The following ROBO2 variants were observed in gnomAD, a reference collection of about 807,000 sequenced individuals.
The protein encoded by ROBO2 is roundabout homolog 2.
A neutral mutation model predicts 160.8 loss-of-function variants in ROBO2; 53 were observed. That is an observed-to-expected ratio of 0.33 (90% confidence interval 0.26 to 0.41). ROBO2 has a LOEUF of 0.41. Among genes scored for constraint, ROBO2 ranks in the 10% least tolerant of loss-of-function variants. ROBO2 has a pLI of 1.00. For missense variants in ROBO2, 1,577 were observed against 1,722.4 expected, an observed-to-expected ratio of 0.92 and a Z score of 1.49; for synonymous variants, 664 against 611.7, an observed-to-expected ratio of 1.09 and a Z score of -1.26.
In ROBO2 at chr3:77,538,210, T is replaced by G. The variant is rs533457693; in HGVS notation, c.935-8128T>G. Among the ~76,000 whole-genome samples the G allele has an allele frequency of 4.3e-3, 591 of 138,232 alleles. 6 individuals carry two copies. Among genetic ancestry groups the G allele is most frequent in the African/African-American group, 0.015 (554 of 36,588 alleles). 90.7% of individuals were successfully genotyped at this position (138,232 alleles called of 152,430 possible). On this transcript the variant is annotated intron_variant, in intron 6 of 25. Coordinates refer to ENST00000461745, the Ensembl canonical transcript of ROBO2. ...TTTTTTTTTTTTGAGACGGAGTCTCTGTCTGTCACCCAGGCTGGAGTGCAG... is the reference window on the plus strand; with the variant it reads ...TTTTTTTTTTTTGAGACGGAGTCTCGGTCTGTCACCCAGGCTGGAGTGCAG...
At chr3:77,445,147 TAAGA>T (rs2153557381) in intron 2 of ROBO2, among the ~76,000 whole-genome samples, 1 of 152,282 alleles carries the variant, frequency 6.6e-6, no homozygotes, top group African/African-American at 2.4e-5. Context: ...TTCAGTGTCT[TAAGA>T]AGATGAAGAC....
chr3:76,743,689 T>C (rs1477115396), intron 2 of ROBO2, among the ~76,000 whole-genome samples: 1 of 152,094 alleles, frequency 6.6e-6, no homozygotes, highest in Non-Finnish European at 1.5e-5. Flanking sequence ...CTTTCATTTC[T>C]AAGACTTTCA....
intron 2 of ROBO2, among the ~76,000 whole-genome samples, chr3:77,271,499 G>A (rs1580537387): frequency 6.6e-6 from 1 of 152,190 alleles, no homozygotes; most frequent in East Asian, 1.9e-4. Context: ...AACAGCTGAA[G>A]GATTAAGGAA....
At chr3:77,099,895 G>A (rs1054092534) in intron 2 of ROBO2, among the ~76,000 whole-genome samples, 1 of 151,968 alleles carries the variant, frequency 6.6e-6, no homozygotes, top group African/African-American at 2.4e-5. Flanking sequence ...AGGGAATTGT[G>A]TCATATTTGA....
chr3:76,733,257 C>T (rs774600), intron 2 of ROBO2, among the ~76,000 whole-genome samples: 30,024 of 151,994 alleles, frequency 0.2, 3,023 homozygotes, highest in Non-Finnish European at 0.22. Context: ...ACTGTGTATA[C>T]AAAGAAGGGA....
chr3:77,189,230 T>C (rs2081583764), intron 2 of ROBO2, among the ~76,000 whole-genome samples: 1 of 151,810 alleles, frequency 6.6e-6, no homozygotes, highest in South Asian at 2.1e-4. Context: ...TTTGTTTTGG[T>C]TTGAAATTTT....
At chr3:76,719,303 T>C (rs1342059221) in intron 2 of ROBO2, among the ~76,000 whole-genome samples, 1 of 152,184 alleles carries the variant, frequency 6.6e-6, no homozygotes, top group Non-Finnish European at 1.5e-5. Flanking sequence ...TATGTAGACA[T>C]CATAACAATA....
chr3:77,399,842 G>T (rs2075631963), intron 2 of ROBO2, among the ~76,000 whole-genome samples: 1 of 151,998 alleles, frequency 6.6e-6, no homozygotes, highest in Admixed American at 6.6e-5. Context: ...GAAAACTGAG[G>T]CCCCAGAAAC....
At chr3:77,319,456 C>T (rs554802424) in intron 2 of ROBO2, among the ~76,000 whole-genome samples, 73 of 152,250 alleles carry the variant, frequency 4.8e-4, no homozygotes, top group African/African-American at 1.7e-3. Context: ...CCCAATTGCT[C>T]ATGCTGATTG....
intron 2 of ROBO2, among the ~76,000 whole-genome samples, chr3:77,369,438 T>G (rs62252672): frequency 0.12 from 18,867 of 152,224 alleles, 1,388 homozygotes; most frequent in East Asian, 0.21. Context: ...CAGAAATGAA[T>G]GACAGTCTCT....
chr3:76,161,632 T>C (rs1282612939), intron 2 of ROBO2, among the ~76,000 whole-genome samples: 3 of 152,158 alleles, frequency 2.0e-5, no homozygotes, highest in African/African-American at 7.2e-5. Context: ...TTCTCGGAGA[T>C]CTATTTTATA....
intron 2 of ROBO2, among the ~76,000 whole-genome samples, chr3:76,785,910 T>G (rs2062943462): frequency 6.6e-6 from 1 of 151,348 alleles, no homozygotes; most frequent in Non-Finnish European, 1.5e-5. Flanking sequence ...ACATTTGTTC[T>G]AAGTTTTTAT....
Position 76,799,228 on chromosome 3 carries a change from C to CA in ROBO2, c.110-298782dup, listed in dbSNP as rs1200513260. On this transcript the variant is annotated intron_variant, in intron 2 of 26. Coordinates refer to the ROBO2 transcript ENST00000487694. Reference sequence around the variant, plus strand: ...GACTCCGTCTCAAAAAAAACAAAAACAAAACAAAAAAAAAACGTATATAAC... The same window carrying CA: ...GACTCCGTCTCAAAAAAAACAAAAACAAAAACAAAAAAAAAACGTATATAAC... Among the ~76,000 whole-genome samples, 13 of 128,532 alleles carry CA rather than the reference C, an allele frequency of 1.0e-4. No individual in the cohort carries two copies. The East Asian group carries it at 1.4e-3, about 14-fold the overall frequency. 84.3% of individuals were successfully genotyped at this position (128,532 alleles called of 152,430 possible). A position where few individuals can be genotyped will look rare whatever the true frequency, so the allele number is the denominator to read the frequency against.
At chr3:76,104,203 C>G (rs1440591284) in intron 2 of ROBO2, among the ~76,000 whole-genome samples, 1 of 152,146 alleles carries the variant, frequency 6.6e-6, no homozygotes, top group African/African-American at 2.4e-5. Context: ...ACACTTAAAT[C>G]TTTCATACAG....
chr3:76,845,139 C>T (rs775638920), intron 2 of ROBO2, among the ~76,000 whole-genome samples: 4 of 151,836 alleles, frequency 2.6e-5, no homozygotes, highest in South Asian at 4.2e-4. Flanking sequence ...CGCCAAATAC[C>T]GTGGTTAAAA....
intron 2 of ROBO2, among the ~76,000 whole-genome samples, chr3:76,395,594 AAGAG>A (rs1014141380): frequency 2.0e-5 from 3 of 151,924 alleles, no homozygotes; most frequent in East Asian, 1.9e-4. Context: ...TAAAGAAAAA[AAGAG>A]AGAAGAATCA....
intron 2 of ROBO2, among the ~76,000 whole-genome samples, chr3:76,794,699 T>C (rs1435815180): frequency 6.6e-6 from 1 of 152,024 alleles, no homozygotes; most frequent in African/African-American, 2.4e-5. Context: ...CCAGACTAAA[T>C]CATTTGTGAC....
intron 2 of ROBO2, among the ~76,000 whole-genome samples, chr3:77,433,722 A>G (rs2079021941): frequency 6.6e-6 from 1 of 151,392 alleles, no homozygotes; most frequent in South Asian, 2.1e-4. Context: ...CCAACTACCT[A>G]CTTGGAAACA....
intron 5 of ROBO2, among the ~76,000 whole-genome samples, chr3:77,504,977 G>A (rs1383397175): frequency 6.6e-6 from 1 of 152,170 alleles, no homozygotes. Flanking sequence ...GGATGAAAAA[G>A]CTTTGGAAAG....
Sources: allele counts gnomAD v4.1 joint callset (sites outside exome capture counted in the v4.1 genomes callset), GRCh38; gene constraint gnomAD v4.1.1; transcripts MANE v1.5; gene names NCBI Gene and HGNC (gene_info 2026-07-23, HGNC 2026-07-21).